Variants in GAB2 observed in about 807,000 individuals in gnomAD.
GAB2 encodes GRB2-associated-binding protein 2.
In GAB2, 26 loss-of-function variants were observed where a neutral mutation model predicts 65.5. The ratio of observed to expected loss-of-function variants is 0.40; its 90% CI spans 0.29 to 0.55. GAB2 has a LOEUF of 0.55. Among genes scored for constraint, GAB2 ranks in the 20% least tolerant of loss-of-function variants. The probability of loss-of-function intolerance (pLI) is 0.53; values close to 1 mark genes in which losing one functional copy is unlikely to be tolerated. For synonymous variants in GAB2, 321 were observed against 329.6 expected (o/e 0.97, Z 0.28); for missense variants, 884 against 875.8 (o/e 1.01, Z -0.12).
intron 1 of GAB2, among the ~76,000 whole-genome samples, chr11:78,406,736 A>G (rs1363044580): frequency 6.6e-6 from 1 of 152,212 alleles, no homozygotes; most frequent in Non-Finnish European, 1.5e-5. Context: ...TGGAATGAAA[A>G]AGACAATCGA....
rs368551253 is a variant in GAB2, at chr11:78,220,452, G to C, written c.1762-8C>G. On this transcript the variant is annotated splice_polypyrimidine_tract_variant and splice_region_variant and intron_variant, in intron 8 of 9. Transcript: ENST00000361507. ...TGCAGACACTGGGTTTTGCTGTCAC[G>C]AGGAGGAAAAAACTGTGAGTGACTG... The C allele has an allele frequency of 1.9e-6, 3 of 1,558,474 alleles. No individual in the cohort carries two copies. Among genetic ancestry groups the C allele is most frequent in the Admixed American group, 1.9e-5 (1 of 53,636 alleles).
intron 1 of GAB2, among the ~76,000 whole-genome samples, chr11:78,343,826 A>C (rs139471804): frequency 1.2e-3 from 189 of 152,326 alleles, no homozygotes; most frequent in African/African-American, 3.6e-3. Context: ...AATAGTATAC[A>C]TATTTATCTT....
intron 1 of GAB2, among the ~76,000 whole-genome samples, chr11:78,406,764 A>T (rs757634964): frequency 2.6e-5 from 4 of 152,254 alleles, no homozygotes. Flanking sequence ...CAACACTGAG[A>T]TAACAGAGCT....
intron 1 of GAB2, among the ~76,000 whole-genome samples, chr11:78,413,420 T>C (rs1481970505): frequency 6.6e-6 from 1 of 152,060 alleles, no homozygotes; most frequent in Non-Finnish European, 1.5e-5. Context: ...AGGAAGGTGT[T>C]TTAAAAAAGA....
chr11:78,390,521 G>C (rs1434633242), intron 1 of GAB2, among the ~76,000 whole-genome samples: 1 of 152,144 alleles, frequency 6.6e-6, no homozygotes, highest in African/African-American at 2.4e-5. Context: ...CCAGGGAGGC[G>C]GAGGTTGCAG....
At chr11:78,245,769 C>T (rs915544358) in intron 3 of GAB2, among the ~76,000 whole-genome samples, 10 of 152,262 alleles carry the variant, frequency 6.6e-5, no homozygotes, top group Admixed American at 5.9e-4. Flanking sequence ...AAGTTTCCTT[C>T]TAGTACCATC....
At position 78,225,072 on chromosome 11, in the gene GAB2, G is replaced by A. The variant is rs769280460; in HGVS notation, c.1302+36C>T. The A allele has an allele frequency of 7.4e-6, 10 of 1,360,216 alleles. No homozygotes were observed. The Admixed American group carries it at 1.7e-4, about 24-fold the overall frequency. The allele number at this position is 1,360,216 out of a possible 1,614,324, so 84.3% of individuals were successfully genotyped here. A position where few individuals can be genotyped will look rare whatever the true frequency, so the allele number is the denominator to read the frequency against. On this transcript the variant is annotated intron_variant, in intron 5 of 9. Transcript: ENST00000361507. ...AAGGTGTGACCTTTTACCTAACCAG[G>A]CCGGCCTGAGGACCCTTGGGTTAAC...
chr11:78,362,319 T>C (rs2134718154), intron 1 of GAB2, among the ~76,000 whole-genome samples: 1 of 152,276 alleles, frequency 6.6e-6, no homozygotes, highest in East Asian at 1.9e-4. Flanking sequence ...ATTTTGTGTT[T>C]AAGCCATGTG....
intron 1 of GAB2, among the ~76,000 whole-genome samples, chr11:78,297,683 G>T (rs143565475): frequency 1.2e-3 from 179 of 152,138 alleles, no homozygotes; most frequent in Non-Finnish European, 1.9e-3. Context: ...CAAAAGGCAG[G>T]GGTAGATTGA....
chr11:78,289,814 CTTTTTTTTTTTTT>C (rs56926225), intron 1 of GAB2, among the ~76,000 whole-genome samples: 3 of 83,662 alleles, frequency 3.6e-5, no homozygotes, highest in Admixed American at 1.7e-4. Flanking sequence ...AGAACAGGAC[CTTTTTTTTTTTTT>C]TTTTTTTTTT....
chr11:78,383,582 A>AG (rs1491398884), intron 1 of GAB2, among the ~76,000 whole-genome samples: 12 of 122,274 alleles, frequency 9.8e-5, no homozygotes, highest in African/African-American at 3.7e-4. Flanking sequence ...CTGTCTCTCC[A>AG]AAAAAAAAAA....
At chr11:78,332,304 G>A (rs537719309) in intron 1 of GAB2, among the ~76,000 whole-genome samples, 9 of 152,286 alleles carry the variant, frequency 5.9e-5, no homozygotes, top group East Asian at 1.9e-4. Flanking sequence ...AAGTGACTGA[G>A]GAAGCCACCA....
intron 1 of GAB2, among the ~76,000 whole-genome samples, chr11:78,387,616 C>G (rs1159460262): frequency 6.6e-6 from 1 of 152,212 alleles, no homozygotes; most frequent in Non-Finnish European, 1.5e-5. Context: ...ATCCTGCTGT[C>G]AGACTGTACA....
intron 7 of GAB2, 22 bp downstream of exon 7, chr11:78,222,083 A>AC: frequency 6.6e-7 from 1 of 1,518,230 alleles, no homozygotes; most frequent in Non-Finnish European, 9.2e-7. Flanking sequence ...CCAAGCTCCC[A>AC]CCCCCACACA....
At chr11:78,348,819 C>G (rs142479642) in intron 1 of GAB2, among the ~76,000 whole-genome samples, 274 of 152,228 alleles carry the variant, frequency 1.8e-3, no homozygotes, top group African/African-American at 6.4e-3. Context: ...AAGAAAGAAC[C>G]CAATGTCCAT....
intron 1 of GAB2, among the ~76,000 whole-genome samples, chr11:78,339,089 A>T (rs1170061853): frequency 6.7e-6 from 1 of 149,840 alleles, no homozygotes; most frequent in East Asian, 2.0e-4. Context: ...CACCCAGCTA[A>T]TTTTTTTTTT....
chr11:78,226,964 G>A lies in GAB2; in HGVS notation c.708C>T (p.His236=). 6.2e-7 allele frequency: 1 copy of A among 1,613,592 alleles called. No homozygotes were observed. Among genetic ancestry groups the A allele is most frequent in the Non-Finnish European group, 8.5e-7 (1 of 1,179,580 alleles). ...AVQKLAQGNG[H]CVNGISGQVH... ...CTTGACCACTGATCCCGTTGACACA[G>A]TGTCCATTGCCCTGGGCAAGTTTTT... Residue 236 remains histidine (H), a synonymous_variant, in exon 4 of 10, where the codon CAC becomes CAT. Transcript: ENST00000361507.
At chr11:78,251,398 T>C (rs1391419524) in intron 2 of GAB2, among the ~76,000 whole-genome samples, 1 of 152,226 alleles carries the variant, frequency 6.6e-6, no homozygotes, top group Non-Finnish European at 1.5e-5. Flanking sequence ...CTTTTCTCTG[T>C]TGTGTTAGTA....
intron 1 of GAB2, among the ~76,000 whole-genome samples, chr11:78,287,784 G>A (rs1489082592): frequency 6.6e-6 from 1 of 150,846 alleles, no homozygotes; most frequent in East Asian, 2.0e-4. Flanking sequence ...AAGTAGCTGG[G>A]ATTACAGGTG....
Sources: allele counts gnomAD v4.1 joint callset (sites outside exome capture counted in the v4.1 genomes callset), GRCh38; gene constraint gnomAD v4.1.1; transcripts MANE v1.5; gene names NCBI Gene and HGNC (gene_info 2026-07-23, HGNC 2026-07-21).